Variants in MEIKIN observed in about 807,000 individuals in gnomAD.
MEIKIN encodes meiotic kinetochore factor, also known as meiosis-specific kinetochore protein.
intron 9 of MEIKIN, among the ~76,000 whole-genome samples, chr5:131,871,847 C>A (rs1483631757): frequency 6.6e-6 from 1 of 152,112 alleles, no homozygotes; most frequent in Admixed American, 6.5e-5. Context: ...CACCAATATC[C>A]GATGTTCTGC....
intron 11 of MEIKIN, among the ~76,000 whole-genome samples, chr5:131,847,448 A>G (rs979283172): frequency 4.6e-5 from 7 of 152,092 alleles, no homozygotes; most frequent in Non-Finnish European, 7.4e-5. Flanking sequence ...GACAAAGATG[A>G]ATATTATATA....
intron 11 of MEIKIN, among the ~76,000 whole-genome samples, chr5:131,831,352 CCA>C (rs1749712432): frequency 6.6e-6 from 1 of 152,062 alleles, no homozygotes; most frequent in African/African-American, 2.4e-5. Flanking sequence ...GAGTTTGAGA[CCA>C]GTCTGGGCAA....
chr5:131,893,665 C>A (rs1442257620), intron 8 of MEIKIN, among the ~76,000 whole-genome samples: 2 of 152,238 alleles, frequency 1.3e-5, no homozygotes, highest in African/African-American at 4.8e-5. Flanking sequence ...GGAGAAATCA[C>A]CCATCTTCTG....
At chr5:131,858,514 T>C (rs1233311693) in intron 9 of MEIKIN, among the ~76,000 whole-genome samples, 3 of 152,108 alleles carry the variant, frequency 2.0e-5, no homozygotes, top group Non-Finnish European at 4.4e-5. Context: ...ATTCTGAACA[T>C]AGACCCTGGC....
At chr5:131,909,128 T>C (rs572681641) in intron 8 of MEIKIN, among the ~76,000 whole-genome samples, 1 of 151,840 alleles carries the variant, frequency 6.6e-6, no homozygotes, top group Non-Finnish European at 1.5e-5. Flanking sequence ...TGAGCAAAAA[T>C]AACAAAACTG....
chr5:131,941,268 CTT>C (rs1312691208), intron 4 of MEIKIN, among the ~76,000 whole-genome samples: 3 of 136,816 alleles, frequency 2.2e-5, no homozygotes, highest in Non-Finnish European at 4.5e-5. Flanking sequence ...AAGCGATTCT[CTT>C]GTCTCAGCCT....
chr5:131,822,844 G>A (rs929753739), intron 11 of MEIKIN, among the ~76,000 whole-genome samples: 2 of 151,222 alleles, frequency 1.3e-5, no homozygotes, highest in African/African-American at 2.4e-5. Context: ...AATCCCTTTA[G>A]CATTTCCTAT....
At chr5:131,915,575 A>G (rs1293401477) in intron 7 of MEIKIN, among the ~76,000 whole-genome samples, 2 of 152,198 alleles carry the variant, frequency 1.3e-5, no homozygotes, top group African/African-American at 4.8e-5. Flanking sequence ...TGTCAGAAAA[A>G]CAGGCATATA....
At chr5:131,852,276 A>G (rs1214590678) in intron 10 of MEIKIN, among the ~76,000 whole-genome samples, 1 of 151,976 alleles carries the variant, frequency 6.6e-6, no homozygotes, top group Non-Finnish European at 1.5e-5. Flanking sequence ...TGATGGTTTT[A>G]TAGGGTAGTT....
intron 9 of MEIKIN, among the ~76,000 whole-genome samples, chr5:131,859,255 G>A (rs1311619172): frequency 2.0e-5 from 3 of 152,134 alleles, no homozygotes; most frequent in African/African-American, 7.2e-5. Flanking sequence ...TAAGGAAGGA[G>A]TCCAGTTCCA....
chr5:131,878,055 T>C (rs531407653), intron 9 of MEIKIN, among the ~76,000 whole-genome samples: 6 of 152,274 alleles, frequency 3.9e-5, no homozygotes, highest in Admixed American at 3.9e-4. Flanking sequence ...GTAGTATATA[T>C]AGGGTTCAGT....
Position 131,863,460 on chromosome 5 carries a change from C to T in MEIKIN, c.775-8626G>A, listed in dbSNP as rs190299270. On this transcript the variant is annotated intron_variant, in intron 9 of 12. Transcript: ENST00000442687. ...TAGATCTAGCAATATTTGCTTTATA[C>T]ATCTGAGTGCAGCATTGTTGGGTGC... is the stretch of plus-strand genomic sequence containing the variant. 7.3e-4 allele frequency among the ~76,000 whole-genome samples: 111 copies of T among 151,104 alleles called. No individual in the cohort carries two copies. In the Middle Eastern group the frequency reaches 0.024, roughly 33 times the overall value.
intron 3 of MEIKIN, among the ~76,000 whole-genome samples, chr5:131,944,254 C>T (rs73264066): frequency 0.076 from 11,497 of 152,044 alleles, 903 homozygotes; most frequent in African/African-American, 0.2. Context: ...AAATACAGCA[C>T]ATCAAGAAGT....
intron 11 of MEIKIN, among the ~76,000 whole-genome samples, chr5:131,833,156 C>T (rs754042254): frequency 5.9e-5 from 9 of 152,156 alleles, no homozygotes; most frequent in Admixed American, 2.6e-4. Flanking sequence ...TAATAGCACC[C>T]AAGTCACCTC....
chr5:131,828,249 C>T (rs1160933395), intron 11 of MEIKIN, among the ~76,000 whole-genome samples: 1 of 152,076 alleles, frequency 6.6e-6, no homozygotes, highest in Non-Finnish European at 1.5e-5. Context: ...AATCTCTGCC[C>T]CTCTCCGGGT....
intron 11 of MEIKIN, among the ~76,000 whole-genome samples, chr5:131,835,208 GTGTGTATATATA>G (rs1473781029): frequency 1.3e-5 from 2 of 150,876 alleles, no homozygotes; most frequent in African/African-American, 4.9e-5. Context: ...GTATATATAT[GTGTGTATATATA>G]TGTGTATATA....
intron 8 of MEIKIN, among the ~76,000 whole-genome samples, chr5:131,886,491 G>C (rs1750798471): frequency 6.6e-6 from 1 of 152,206 alleles, no homozygotes. Flanking sequence ...CTCCAGGGGA[G>C]AACAGCATGA....
chr5:131,807,719 T>C lies in MEIKIN; in HGVS notation c.1100-461A>G, dbSNP rs966032244. On this transcript the variant is annotated intron_variant, in intron 12 of 12. Transcript: ENST00000442687. ...CCCAGGTTCCATCCCGAAGACAGGA[T>C]TGATTCTGGGGCCTTTGCCCCCACA... Among the ~76,000 whole-genome samples the C allele has an allele frequency of 7.9e-5, 12 of 152,360 alleles. No individual in the cohort carries two copies. In the South Asian group the frequency reaches 1.0e-3, roughly 13 times the overall value.
intron 4 of MEIKIN, among the ~76,000 whole-genome samples, chr5:131,940,294 T>C (rs1365040631): frequency 6.6e-6 from 1 of 152,226 alleles, no homozygotes; most frequent in Non-Finnish European, 1.5e-5. Flanking sequence ...CCATGTTCTT[T>C]TGCACTGCAT....
Sources: gnomAD v4.1 joint callset for allele counts (sites outside exome capture counted in the v4.1 genomes callset) on GRCh38, gnomAD v4.1.1 for gene constraint, MANE v1.5 for transcripts, NCBI Gene and HGNC (gene_info 2026-07-23, HGNC 2026-07-21) for gene names.